Variants in COL6A2 observed in about 807,000 individuals in gnomAD.
COL6A2 encodes collagen type VI alpha 2 chain, also known as collagen alpha-2(VI) chain.
In COL6A2, 90 loss-of-function variants were observed where a neutral mutation model predicts 124.9. That is an observed-to-expected ratio of 0.72 (90% confidence interval 0.61 to 0.86). The LOEUF (loss-of-function observed/expected upper bound fraction) is 0.86. Ranked by LOEUF, COL6A2 falls within the 40% of genes least tolerant of loss-of-function variation. The pLI, the probability that COL6A2 is intolerant of heterozygous loss-of-function variation, is 0.00. For missense variants in COL6A2, 1,607 were observed against 1,502.5 expected (o/e 1.07, Z -1.15); for synonymous variants, 793 against 618.2 (o/e 1.28, Z -4.19).
chr21:46,099,418 A>G (rs537213907), intron 1 of COL6A2, among the ~76,000 whole-genome samples: 77 of 132,934 alleles, frequency 5.8e-4, no homozygotes, highest in Non-Finnish European at 8.9e-4. Flanking sequence ...AGATCGCGCC[A>G]CTGCACTCCA....
intron 21 of COL6A2, among the ~76,000 whole-genome samples, chr21:46,123,222 CCCCTCCCA>C: frequency 8.5e-6 from 1 of 117,212 alleles, no homozygotes; most frequent in Admixed American, 7.9e-5. Flanking sequence ...CCCCCAGAGT[CCCCTCCCA>C]GCATCCCCAC....
intron 1 of COL6A2, among the ~76,000 whole-genome samples, chr21:46,105,853 G>T (rs1310039579): frequency 6.6e-6 from 1 of 152,096 alleles, no homozygotes; most frequent in African/African-American, 2.4e-5. Context: ...AATGCAAAAT[G>T]AAAGAAGTCC....
At chr21:46,123,581 G>A (rs2078601654) in intron 21 of COL6A2, among the ~76,000 whole-genome samples, 1 of 152,002 alleles carries the variant, frequency 6.6e-6, no homozygotes. Flanking sequence ...TGAGTGAATA[G>A]AAGAGTGGGT....
At chr21:46,122,966 C>A in intron 21 of COL6A2, 29 bp downstream of exon 21, 1 of 1,605,526 alleles carries the variant, frequency 6.2e-7, no homozygotes, top group Middle Eastern at 1.7e-4. Context: ...AAGCCCACAG[C>A]AGCTGGGCAG....
At chr21:46,113,869 G>A (rs949703211) in intron 4 of COL6A2, 139 bp from the exon 5 acceptor site, 20 of 739,638 alleles carry the variant, frequency 2.7e-5, no homozygotes, top group African/African-American at 1.6e-4. Flanking sequence ...GCTCCCTCAC[G>A]CCCGCCCAGG....
intron 4 of COL6A2, chr21:46,113,068 G>A: frequency 1.7e-6 from 1 of 603,266 alleles, no homozygotes; most frequent in South Asian, 2.0e-5. Context: ...ACAAGGAGAG[G>A]TCGAGGGTCT....
At chr21:46,118,799 C>A in intron 13 of COL6A2, 123 bp downstream of exon 13, 2 of 1,237,608 alleles carry the variant, frequency 1.6e-6, no homozygotes, top group Non-Finnish European at 2.3e-6. Flanking sequence ...GCTCTGGGGA[C>A]ACGGGGAGGG....
chr21:46,125,346 G>A (rs1296610542), intron 24 of COL6A2, 35 bp downstream of exon 24: 1 of 1,605,900 alleles, frequency 6.2e-7, no homozygotes, highest in Non-Finnish European at 8.5e-7. Context: ...CGGGGCCCAT[G>A]CACCGGGTGG....
intron 1 of COL6A2, 117 bp downstream of exon 1, chr21:46,098,290 C>G (rs1368127866): frequency 6.6e-6 from 1 of 151,994 alleles, no homozygotes; most frequent in Admixed American, 6.6e-5. Context: ...AAGGGGGACT[C>G]CAGCCCCAGG....
At chr21:46,106,878 A>G (rs2078340443) in intron 1 of COL6A2, among the ~76,000 whole-genome samples, 1 of 152,198 alleles carries the variant, frequency 6.6e-6, no homozygotes. Flanking sequence ...TTTTTCTACC[A>G]AGTAAAACTT....
Position 46,112,130 on chromosome 21 carries a change from G to A in COL6A2, c.267G>A (p.Gln89=), listed in dbSNP as rs1452398707. 1 of 1,613,210 alleles carries A rather than the reference G, an allele frequency of 6.2e-7. No homozygotes were observed. Among genetic ancestry groups the A allele is most frequent in the Admixed American group, 1.7e-5 (1 of 60,036 alleles). ...SQLQNEFYLD[Q]VALSWRYGGL... The stretch of plus-strand genomic sequence containing the variant: ...TGCAGAACGAGTTCTACCTGGACCA[G>A]GTGGCGCTGAGCTGGCGCTACGGCG... Residue 89 remains glutamine, a synonymous_variant, in exon 3 of 28, where the codon CAG becomes CAA. Transcript: ENST00000300527.
chr21:46,127,148 C>T (rs528458599), intron 27 of COL6A2, among the ~76,000 whole-genome samples: 57 of 152,244 alleles, frequency 3.7e-4, no homozygotes, highest in Admixed American at 3.3e-4. Flanking sequence ...TACCTGGGCC[C>T]ACAGGAGGTC....
At chr21:46,131,234 C>A (rs1324026071) in intron 27 of COL6A2, among the ~76,000 whole-genome samples, 1 of 152,224 alleles carries the variant, frequency 6.6e-6, no homozygotes. Context: ...TCTCTGGCCC[C>A]ACGTGACACC....
intron 3 of COL6A2, 25 bp downstream of exon 3, chr21:46,112,602 C>CCACGCGCCAGGGGTG (rs2078420305): frequency 1.2e-6 from 2 of 1,610,450 alleles, no homozygotes; most frequent in African/African-American, 2.7e-5. Context: ...GGAGCACCGT[C>CCACGCGCCAGGGGTG]CACGCGCCAG....
Position 46,118,746 on chromosome 21 carries a change from C to T in COL6A2, c.1179+70C>T, listed in dbSNP as rs994404110. ...CACGCCCATGGCCCAGATGAACAGT[C>T]ACGCTGGCCACCATCTCTGCTGTCA... On this transcript the variant is annotated intron_variant, in intron 13 of 27. Transcript: ENST00000300527. The T allele has an allele frequency of 5.3e-6, 8 of 1,508,170 alleles. No individual in the cohort carries two copies. The African/African-American group carries it at 1.1e-4, about 21-fold the overall frequency. 93.4% of individuals were successfully genotyped at this position (1,508,170 alleles called of 1,614,324 possible).
chr21:46,124,020 AGTGGATGGACAGACGGACAGTGG>A (rs796870120), intron 21 of COL6A2, among the ~76,000 whole-genome samples: 7 of 129,132 alleles, frequency 5.4e-5, no homozygotes, highest in African/African-American at 9.1e-5. Flanking sequence ...TAGGTGAATG[AGTGGATGGACAGACGGACAGTGG>A]GTGGATGGAT....
At chr21:46,120,939 TA>T (rs2078556112) in intron 16 of COL6A2, 121 bp from the exon 17 acceptor site, 1 of 917,268 alleles carries the variant, frequency 1.1e-6, no homozygotes, top group Non-Finnish European at 1.8e-6. Flanking sequence ...GGGAGGGTCA[TA>T]GGGGCCGGGG....
intron 5 of COL6A2, 22 bp downstream of exon 5, chr21:46,114,095 C>T (rs560145075): frequency 2.5e-6 from 4 of 1,601,420 alleles, no homozygotes; most frequent in Non-Finnish European, 3.4e-6. Flanking sequence ...AGATTACCTG[C>T]AGGGTCTGCG....
Position 46,108,039 on chromosome 21 carries a change from T to C in COL6A2, c.-27-3411T>C, listed in dbSNP as rs181965191. 1.8e-4 allele frequency among the ~76,000 whole-genome samples: 27 copies of C among 152,024 alleles called. No individual in the cohort carries two copies. In the East Asian group the frequency reaches 5.0e-3, roughly 28 times the overall value. On this transcript the variant is annotated intron_variant, in intron 1 of 27. Coordinates refer to ENST00000300527, the MANE Select transcript of COL6A2 (RefSeq NM_001849.4). ...ATATTTTTCTAAGTGGCTCACTAAA[T>C]TTTCTCTCCCTAATCTCCCCTCCTT...
Sources: gnomAD v4.1 joint callset for allele counts (sites outside exome capture counted in the v4.1 genomes callset) on GRCh38, gnomAD v4.1.1 for gene constraint, MANE v1.5 for transcripts, NCBI Gene and HGNC (gene_info 2026-07-23, HGNC 2026-07-21) for gene names.